The following XRCC5 variants were observed in gnomAD, a reference collection of about 807,000 sequenced individuals.
The protein encoded by XRCC5 is DNA repair protein Ku80.
XRCC5 carries 12 observed loss-of-function variants against 95.7 expected under a neutral mutation model. The ratio of observed to expected loss-of-function variants is 0.13; its 90% CI spans 0.08 to 0.20. The LOEUF is 0.20. XRCC5 is among the 10% of genes least tolerant of loss of function. XRCC5 has a pLI of 1.00. For synonymous variants in XRCC5, 281 were observed against 290.3 expected, an observed-to-expected ratio of 0.97 and a Z score of 0.33; for missense variants, 595 against 873.9, an observed-to-expected ratio of 0.68 and a Z score of 4.02.
chr2:216,163,431 A>T (rs1209016032), intron 16 of XRCC5, among the ~76,000 whole-genome samples: 2 of 152,018 alleles, frequency 1.3e-5, no homozygotes, highest in Admixed American at 1.3e-4. Context: ...CTGGAACTAC[A>T]GTTGCATACC....
chr2:216,179,394 C>G (rs1022387714), intron 16 of XRCC5, among the ~76,000 whole-genome samples: 2 of 151,882 alleles, frequency 1.3e-5, no homozygotes, highest in Non-Finnish European at 2.9e-5. Context: ...AGTAAGGTCA[C>G]GTTGTGAGGT....
At chr2:216,112,896 C>A in intron 1 of XRCC5, 120 bp from the exon 2 acceptor site, 1 of 729,170 alleles carries the variant, frequency 1.4e-6, no homozygotes, top group Non-Finnish European at 2.3e-6. Context: ...AGAACACATC[C>A]CTTTTTCACA....
chr2:216,178,820 C>T (rs940344870), intron 16 of XRCC5, among the ~76,000 whole-genome samples: 2 of 152,126 alleles, frequency 1.3e-5, no homozygotes, highest in African/African-American at 4.8e-5. Flanking sequence ...GTGCTAAATA[C>T]ACAGCTTATG....
intron 14 of XRCC5, chr2:216,156,387 T>G: frequency 1.2e-6 from 1 of 802,836 alleles, no homozygotes; most frequent in Non-Finnish European, 2.2e-6. Flanking sequence ...ACCCTTCAAT[T>G]TAAGTGCTTG....
In XRCC5 at chr2:216,172,469, C is replaced by CTTTTTTTTTTTTTT. The variant is rs746493174; in HGVS notation, c.1834+10425_1834+10438dup. On this transcript the variant is annotated intron_variant, in intron 16 of 20. Transcript: ENST00000392132. ...AAACTTTAGCATCAGCTTTTCTTTT[C>CTTTTTTTTTTTTTT]TTTTTTTTTTTTTTTTTGAGACAAA... is the stretch of plus-strand genomic sequence containing the variant. 9.6e-3 allele frequency among the ~76,000 whole-genome samples: 1,029 copies of CTTTTTTTTTTTTTT among 107,594 alleles called. 86 individuals are homozygous for CTTTTTTTTTTTTTT. Among genetic ancestry groups the CTTTTTTTTTTTTTT allele is most frequent in the South Asian group, 0.023 (63 of 2,756 alleles). 70.6% of individuals were successfully genotyped at this position (107,594 alleles called of 152,430 possible).
intron 1 of XRCC5, among the ~76,000 whole-genome samples, chr2:216,112,638 T>G (rs1696608957): frequency 6.6e-6 from 1 of 152,210 alleles, no homozygotes; most frequent in Admixed American, 6.5e-5. Flanking sequence ...GTTCTCATGT[T>G]TGTAGGTCTG....
At chr2:216,119,500 T>A (rs1306213981) in intron 5 of XRCC5, among the ~76,000 whole-genome samples, 1 of 152,208 alleles carries the variant, frequency 6.6e-6, no homozygotes, top group Non-Finnish European at 1.5e-5. Flanking sequence ...ATAGAAGGCT[T>A]TACCCAAACA....
At chr2:216,191,334 A>G (rs951059890) in intron 17 of XRCC5, among the ~76,000 whole-genome samples, 36 of 152,246 alleles carry the variant, frequency 2.4e-4, no homozygotes, top group African/African-American at 8.2e-4. Flanking sequence ...AAAAAAATAA[A>G]AGAGAGACAA....
chr2:216,205,102 C>A, intron 20 of XRCC5, 86 bp from the exon 21 acceptor site: 1 of 1,530,070 alleles, frequency 6.5e-7, no homozygotes, highest in South Asian at 1.1e-5. Flanking sequence ...AATGTAGAGT[C>A]ATTTTCATTA....
At position 216,192,731 on chromosome 2, in the gene XRCC5, C is replaced by T. The variant is rs755905621; in HGVS notation, c.2037C>T (p.Val679=). The T allele has an allele frequency of 1.3e-6, 2 of 1,581,374 alleles. No homozygotes were observed. The highest frequency in any genetic ancestry group is 1.8e-5 in the Admixed American group (1 of 56,388). Residue 679 remains valine, a synonymous_variant, in exon 18 of 21, where the codon GTC becomes GTT. Coordinates refer to ENST00000392132, the MANE Select transcript of XRCC5 (RefSeq NM_021141.4). ...TAAATCATTTCTGGGAAATTGTTGT[C>T]CAGGGTAAGTTGTCATTTGCCTTTT... The part of the protein sequence containing the change: ...KQLNHFWEIV[V]QDGITLITKE...
intron 16 of XRCC5, among the ~76,000 whole-genome samples, chr2:216,187,847 TCTCTCTCTCTC>T (rs1689532488): frequency 7.4e-6 from 1 of 136,040 alleles, no homozygotes; most frequent in African/African-American, 3.1e-5. Context: ...TCTCTCTCTC[TCTCTCTCTCTC>T]TCTCCCCGTC....
At chr2:216,194,794 G>C in intron 18 of XRCC5, 125 bp from the exon 19 acceptor site, 1 of 884,176 alleles carries the variant, frequency 1.1e-6, no homozygotes, top group South Asian at 1.5e-5. Context: ...AACATAGTGG[G>C]ACCCTGTCTC....
At chr2:216,169,960 ACCC>A (rs913433022) in intron 16 of XRCC5, among the ~76,000 whole-genome samples, 15 of 139,376 alleles carry the variant, frequency 1.1e-4, no homozygotes, top group Middle Eastern at 3.8e-3. Context: ...AATTGCTTGA[ACCC>A]GGGAGGCGGA....
At chr2:216,169,669 A>G (rs1353323080) in intron 16 of XRCC5, among the ~76,000 whole-genome samples, 2 of 152,050 alleles carry the variant, frequency 1.3e-5, no homozygotes, top group Non-Finnish European at 2.9e-5. Flanking sequence ...TGTTTACTAC[A>G]GTTTGTTCTC....
At chr2:216,191,716 A>T (rs559107007) in intron 17 of XRCC5, among the ~76,000 whole-genome samples, 78 of 152,222 alleles carry the variant, frequency 5.1e-4, no homozygotes, top group East Asian at 3.9e-4. Flanking sequence ...CGGCCAAGGG[A>T]TATTTTTTGA....
chr2:216,163,487 G>A (rs115207954), intron 16 of XRCC5, among the ~76,000 whole-genome samples: 4 of 151,736 alleles, frequency 2.6e-5, no homozygotes, highest in African/African-American at 4.8e-5. Flanking sequence ...ACGGGGTTTC[G>A]TTATGTTGGC....
chr2:216,135,432 T>G (rs1336420931), intron 10 of XRCC5, among the ~76,000 whole-genome samples: 1 of 151,590 alleles, frequency 6.6e-6, no homozygotes, highest in Non-Finnish European at 1.5e-5. Context: ...TGGAAGGGAG[T>G]GACGTGATGA....
chr2:216,146,604 GTTTCA>G (rs1688638584), intron 13 of XRCC5, among the ~76,000 whole-genome samples: 1 of 152,216 alleles, frequency 6.6e-6, no homozygotes, highest in Admixed American at 6.5e-5. Context: ...TAAACTGATA[GTTTCA>G]TTTCTTTCTT....
Position 216,122,209 on chromosome 2 carries a change from A to C in XRCC5, c.639A>C (p.Ile213=). ...EGLEIVKMVM[I]SLEGEDGLDE... Reference sequence around the variant, plus strand: ...TTGAGATAGTGAAAATGGTGATGATATCTTTAGAAGGTGAAGATGGGTTGG... The same window carrying C: ...TTGAGATAGTGAAAATGGTGATGATCTCTTTAGAAGGTGAAGATGGGTTGG... Residue 213 remains isoleucine (I), a synonymous_variant, in exon 6 of 21, where the codon ATA becomes ATC. Coordinates refer to ENST00000392132, the MANE Select transcript of XRCC5 (RefSeq NM_021141.4). 6.2e-7 allele frequency: 1 copy of C among 1,613,662 alleles called. No homozygotes were observed.
Sources: gnomAD v4.1 joint callset for allele counts (sites outside exome capture counted in the v4.1 genomes callset) on GRCh38, gnomAD v4.1.1 for gene constraint, MANE v1.5 for transcripts, NCBI Gene and HGNC (gene_info 2026-07-23, HGNC 2026-07-21) for gene names.